Variants in MAT2B observed in about 807,000 individuals in gnomAD.
MAT2B encodes methionine adenosyltransferase 2 non-catalytic beta subunit, also known as methionine adenosyltransferase 2 subunit beta.
A neutral mutation model predicts 36.1 loss-of-function variants in MAT2B; 16 were observed. The observed-to-expected ratio is 0.44, with a 90% CI of 0.30 to 0.67. MAT2B has a LOEUF of 0.67. Among genes scored for constraint, MAT2B ranks in the 30% least tolerant of loss-of-function variants. MAT2B has a pLI of 0.09. For missense variants in MAT2B, 332 were observed against 398.2 expected (o/e 0.83, Z 1.42); for synonymous variants, 148 against 136.9 (o/e 1.08, Z -0.57).
Position 163,516,591 on chromosome 5 carries a change from G to GT in MAT2B, c.603dup (p.Asp202Ter). On this transcript the variant is annotated frameshift_variant, in exon 5 of 7. Transcript: ENST00000321757. LOFTEE classifies it high-confidence loss of function. ...TCGAAGAAAGTGCTGTGACTGTTAT[G>GT]TTTGATAAAGTGCAGTTCAGCAACA... The GT allele has an allele frequency of 6.2e-7, 1 of 1,614,178 alleles. No individual in the cohort carries two copies. The highest frequency in any genetic ancestry group is 8.5e-7 in the Non-Finnish European group (1 of 1,180,028).
At chr5:163,506,344 G>T (rs1175026110) in intron 1 of MAT2B, among the ~76,000 whole-genome samples, 1 of 152,194 alleles carries the variant, frequency 6.6e-6, no homozygotes, top group Non-Finnish European at 1.5e-5. Flanking sequence ...CTGGAATTCA[G>T]ATACAGGTTT....
chr5:163,517,711 C>A, intron 6 of MAT2B, 37 bp downstream of exon 6: 1 of 1,224,104 alleles, frequency 8.2e-7, no homozygotes, highest in Non-Finnish European at 1.2e-6. Flanking sequence ...AGATCCATTG[C>A]TATGGTATAT....
At position 163,512,252 on chromosome 5, in the gene MAT2B, G is replaced by T. The variant is rs375517945; in HGVS notation, c.258+56G>T. 4.2e-6 allele frequency: 6 copies of T among 1,416,578 alleles called. No individual in the cohort carries two copies. In the African/African-American group the frequency reaches 8.4e-5, roughly 20 times the overall value. 87.8% of individuals were successfully genotyped at this position (1,416,578 alleles called of 1,614,324 possible). On this transcript the variant is annotated intron_variant, in intron 2 of 6. Coordinates refer to ENST00000321757, the MANE Select transcript of MAT2B (RefSeq NM_013283.5). ...GAACAATATTAAGAGTTGTCTGGAT[G>T]ATACAGAAACTATCCTTGCTCTCAA...
intron 1 of MAT2B, among the ~76,000 whole-genome samples, chr5:163,511,472 G>A (rs1313813376): frequency 2.2e-5 from 3 of 136,108 alleles, no homozygotes; most frequent in African/African-American, 5.7e-5. Context: ...TTGGAAGGAC[G>A]GGTTTTCACC....
chr5:163,513,629 A>G lies in MAT2B; in HGVS notation c.333A>G (p.Gln111=), dbSNP rs113548741. The change falls in exon 3 of 7, where the codon CAA becomes CAG. Residue 111 remains glutamine (Q), a synonymous_variant. Transcript: ENST00000321757. The stretch of plus-strand genomic sequence containing the variant: ...AAAATCAGCCAGATGCTGCCTCTCA[A>G]CTTAATGTGGATGCTTCTGGGAATT... ...VVENQPDAAS[Q]LNVDASGNLA... The G allele has an allele frequency of 1.7e-5, 27 of 1,613,986 alleles. 1 individual carries two copies. The African/African-American group carries it at 1.9e-4, about 11-fold the overall frequency.
chr5:163,513,461 TACTG>T (rs1760081623), intron 2 of MAT2B, 90 bp from the exon 3 acceptor site: 1 of 678,068 alleles, frequency 1.5e-6, no homozygotes, highest in African/African-American at 1.8e-5. Flanking sequence ...AATGTTGACT[TACTG>T]CACATTTTTC....
upstream of MAT2B, chr5:163,503,309 C>G: frequency 7.8e-7 from 1 of 1,283,530 alleles, no homozygotes; most frequent in South Asian, 1.2e-5. Flanking sequence ...GCGCTCTCTG[C>G]AGGCAGAAGC....
chr5:163,503,645 C>T (rs564241324), upstream of MAT2B, among the ~76,000 whole-genome samples: 4 of 152,310 alleles, frequency 2.6e-5, no homozygotes, highest in African/African-American at 9.6e-5. Flanking sequence ...GTCTCACTAG[C>T]TGACAATACA....
chr5:163,508,306 C>T (rs919599959), intron 1 of MAT2B, among the ~76,000 whole-genome samples: 1 of 152,148 alleles, frequency 6.6e-6, no homozygotes, highest in African/African-American at 2.4e-5. Context: ...GGCTCAATCT[C>T]TGCTCACTGC....
At chr5:163,510,666 C>T (rs896373469) in intron 1 of MAT2B, among the ~76,000 whole-genome samples, 7 of 151,938 alleles carry the variant, frequency 4.6e-5, no homozygotes, top group African/African-American at 1.2e-4. Flanking sequence ...CAAAGTGCTG[C>T]GATTACAGGC....
chr5:163,505,778 TG>T, intron 1 of MAT2B, 29 bp downstream of exon 1: 1 of 1,256,582 alleles, frequency 8.0e-7, no homozygotes, highest in South Asian at 4.0e-5. Context: ...GCGTCTCCGG[TG>T]GGAGCGGGGG....
chr5:163,514,103 TAGAG>T, intron 4 of MAT2B, 109 bp downstream of exon 4: 2 of 849,068 alleles, frequency 2.4e-6, no homozygotes, highest in Non-Finnish European at 3.3e-6. Flanking sequence ...TATGAATCAT[TAGAG>T]AAAAATTAGA....
upstream of MAT2B, among the ~76,000 whole-genome samples, chr5:163,504,919 G>A (rs1414897316): frequency 6.6e-6 from 1 of 152,148 alleles, no homozygotes; most frequent in Non-Finnish European, 1.5e-5. Context: ...AACCCATTAA[G>A]AAGTCGGACC....
intron 1 of MAT2B, among the ~76,000 whole-genome samples, chr5:163,506,579 G>A (rs913453998): frequency 3.9e-5 from 6 of 152,260 alleles, no homozygotes; most frequent in South Asian, 4.1e-4. Context: ...GAGAATATAG[G>A]AGATGGCTGT....
chr5:163,505,894 CG>C (rs760629720), intron 1 of MAT2B, 145 bp downstream of exon 1: 33 of 549,172 alleles, frequency 6.0e-5, no homozygotes, highest in Non-Finnish European at 7.6e-5. Flanking sequence ...CTCCCAGCCC[CG>C]GATCCGAGGG....
At chr5:163,517,866 A>G in intron 6 of MAT2B, 192 bp downstream of exon 6, 2 of 512,016 alleles carry the variant, frequency 3.9e-6, no homozygotes, top group South Asian at 6.5e-5. Context: ...AAAATGTATT[A>G]TTGTCTTGAT....
At chr5:163,514,589 G>A (rs1760100956) in intron 4 of MAT2B, among the ~76,000 whole-genome samples, 1 of 149,656 alleles carries the variant, frequency 6.7e-6, no homozygotes, top group South Asian at 2.1e-4. Context: ...TTCAAAAAAT[G>A]TATGCATGTT....
At chr5:163,515,418 C>T (rs1202663469) in intron 4 of MAT2B, among the ~76,000 whole-genome samples, 4 of 152,150 alleles carry the variant, frequency 2.6e-5, no homozygotes, top group African/African-American at 4.8e-5. Flanking sequence ...TTTTGCCAGA[C>T]CCATTGATAA....
At chr5:163,507,218 T>C (rs1228318647) in intron 1 of MAT2B, among the ~76,000 whole-genome samples, 1 of 152,256 alleles carries the variant, frequency 6.6e-6, no homozygotes, top group East Asian at 1.9e-4. Context: ...TTCCATTCTT[T>C]ACTTTTCTAG....
Sources: gnomAD v4.1 joint callset for allele counts (sites outside exome capture counted in the v4.1 genomes callset) on GRCh38, gnomAD v4.1.1 for gene constraint, MANE v1.5 for transcripts, NCBI Gene and HGNC (gene_info 2026-07-23, HGNC 2026-07-21) for gene names.